Variants in GNAQ observed in about 807,000 individuals in gnomAD.
GNAQ encodes the protein guanine nucleotide-binding protein G(q) subunit alpha.
A neutral mutation model predicts 43.9 loss-of-function variants in GNAQ; 8 were observed. The observed-to-expected ratio is 0.18, with a 90% CI of 0.11 to 0.33. GNAQ has a LOEUF of 0.33. Among genes scored for constraint, GNAQ ranks in the 10% least tolerant of loss-of-function variants. The pLI is 1.00. For missense variants in GNAQ, 158 were observed against 450.8 expected (o/e 0.35, Z 5.88); for synonymous variants, 155 against 170.7 (o/e 0.91, Z 0.71).
At chr9:77,777,796 A>G (rs1413289995) in intron 5 of GNAQ, among the ~76,000 whole-genome samples, 1 of 152,038 alleles carries the variant, frequency 6.6e-6, no homozygotes, top group Middle Eastern at 3.2e-3. Context: ...GGATGGCTAA[A>G]ATAAAAAAGA....
intron 2 of GNAQ, among the ~76,000 whole-genome samples, chr9:77,819,776 C>T (rs1048056130): frequency 3.8e-5 from 4 of 106,566 alleles, no homozygotes; most frequent in Non-Finnish European, 6.6e-5. Context: ...CCTAAATGGA[C>T]TGTGGAAAAA....
At chr9:77,836,806 C>T (rs1271493053) in intron 2 of GNAQ, among the ~76,000 whole-genome samples, 1 of 152,060 alleles carries the variant, frequency 6.6e-6, no homozygotes, top group African/African-American at 2.4e-5. Flanking sequence ...AATCCTATAT[C>T]TATACATCTA....
rs73453731 is a variant in GNAQ at position 77,816,540 on chromosome 9, C to T, written c.322-770G>A. ...TTTTATGGTCAACCCTCAAATTAGC[C>T]GGAATACACGACTGCCTAACAATCC... On this transcript the variant is annotated intron_variant, in intron 2 of 6. Coordinates refer to ENST00000286548, the MANE Select transcript of GNAQ (RefSeq NM_002072.5). 3.1e-3 allele frequency among the ~76,000 whole-genome samples: 474 copies of T among 151,962 alleles called. 1 individual carries two copies. The highest frequency in any genetic ancestry group is 4.6e-3 in the African/African-American group (190 of 41,446).
intron 1 of GNAQ, among the ~76,000 whole-genome samples, chr9:77,947,288 A>G (rs1487140172): frequency 6.6e-6 from 1 of 152,240 alleles, no homozygotes; most frequent in Non-Finnish European, 1.5e-5. Flanking sequence ...CAAGGAGGCA[A>G]GCAGTGAGCC....
At chr9:77,780,560 CTGCAGTCAACATGGGGG>C (rs1484230475) in intron 5 of GNAQ, among the ~76,000 whole-genome samples, 4 of 151,718 alleles carry the variant, frequency 2.6e-5, no homozygotes, top group African/African-American at 9.7e-5. Flanking sequence ...GTGAACAGTG[CTGCAGTCAACATGGGGG>C]TGCAGATCTC....
At chr9:77,874,284 T>C (rs1396573454) in intron 2 of GNAQ, among the ~76,000 whole-genome samples, 1 of 151,720 alleles carries the variant, frequency 6.6e-6, no homozygotes, top group African/African-American at 2.4e-5. Context: ...GTAAAACGAG[T>C]CTTTCCTCCT....
intron 1 of GNAQ, among the ~76,000 whole-genome samples, chr9:77,942,093 T>C (rs1207909744): frequency 6.6e-6 from 1 of 152,174 alleles, no homozygotes; most frequent in Non-Finnish European, 1.5e-5. Context: ...ATGGTATATT[T>C]TGTAAAAATA....
intron 2 of GNAQ, among the ~76,000 whole-genome samples, chr9:77,842,319 C>T (rs771268384): frequency 3.0e-4 from 46 of 152,178 alleles, no homozygotes; most frequent in Non-Finnish European, 5.3e-4. Context: ...AAACCATCAA[C>T]CAGGCTCCCT....
intron 1 of GNAQ, among the ~76,000 whole-genome samples, chr9:77,950,085 T>A (rs566090719): frequency 6.6e-6 from 1 of 152,306 alleles, no homozygotes; most frequent in South Asian, 2.1e-4. Flanking sequence ...AAAAAACTTA[T>A]CATATCTGGG....
intron 1 of GNAQ, among the ~76,000 whole-genome samples, chr9:77,927,724 T>C (rs142943952): frequency 1.2e-4 from 18 of 152,214 alleles, no homozygotes; most frequent in East Asian, 9.6e-4. Flanking sequence ...AGTTACACAA[T>C]GAATATATTT....
At chr9:77,816,214 C>T (rs1042629825) in intron 2 of GNAQ, among the ~76,000 whole-genome samples, 1 of 152,118 alleles carries the variant, frequency 6.6e-6, no homozygotes, top group African/African-American at 2.4e-5. Flanking sequence ...AGCAGAAACT[C>T]AATCAGAATC....
intron 5 of GNAQ, among the ~76,000 whole-genome samples, chr9:77,758,064 T>G (rs1218483452): frequency 6.6e-6 from 1 of 152,240 alleles, no homozygotes; most frequent in Non-Finnish European, 1.5e-5. Flanking sequence ...TATATGAATT[T>G]AAGCTAAGTC....
intron 1 of GNAQ, 88 bp downstream of exon 1, chr9:78,031,005 CCGGGGGG>C (rs1824050542): frequency 7.3e-6 from 7 of 953,420 alleles, no homozygotes; most frequent in Non-Finnish European, 8.2e-6. Context: ...ACCGCGGGCG[CCGGGGGG>C]CGGGGGCGCC....
At chr9:77,807,168 A>C (rs1826842030) in intron 3 of GNAQ, among the ~76,000 whole-genome samples, 2 of 152,218 alleles carry the variant, frequency 1.3e-5, no homozygotes, top group Admixed American at 1.3e-4. Flanking sequence ...AATGAACTCA[A>C]GAATACCAGA....
At chr9:77,984,078 C>T (rs1182186276) in intron 1 of GNAQ, among the ~76,000 whole-genome samples, 1 of 92,954 alleles carries the variant, frequency 1.1e-5, no homozygotes, top group African/African-American at 4.4e-5. Flanking sequence ...AAAAAAAAAT[C>T]ACCTAGATGA....
intron 1 of GNAQ, among the ~76,000 whole-genome samples, chr9:77,960,257 A>T (rs1823090923): frequency 6.6e-6 from 1 of 152,164 alleles, no homozygotes; most frequent in Admixed American, 6.5e-5. Flanking sequence ...TAAGAAATTG[A>T]CAAAAGGACT....
chr9:77,939,204 A>G (rs531152006), intron 1 of GNAQ, among the ~76,000 whole-genome samples: 6 of 152,374 alleles, frequency 3.9e-5, no homozygotes, highest in African/African-American at 1.4e-4. Flanking sequence ...GAAATGTTGA[A>G]TAAATACACA....
In GNAQ at chr9:77,898,618, T is replaced by C. The variant is rs1277285440; in HGVS notation, c.321+23543A>G. On this transcript the variant is annotated intron_variant, in intron 2 of 6. Coordinates refer to ENST00000286548, the MANE Select transcript of GNAQ (RefSeq NM_002072.5). Reference sequence around the variant, plus strand: ...ATGGATGGATTGATGAATGAATGAATAAATGGATGGATGGATGGATGGATG... The same window carrying C: ...ATGGATGGATTGATGAATGAATGAACAAATGGATGGATGGATGGATGGATG... Among the ~76,000 whole-genome samples, 21 of 120,894 alleles carry C rather than the reference T, an allele frequency of 1.7e-4. No individual in the cohort carries two copies. The Admixed American group carries it at 2.0e-3, about 11-fold the overall frequency. The allele number at this position is 120,894 out of a possible 152,430, so 79.3% of individuals were successfully genotyped here. A position where few individuals can be genotyped will look rare whatever the true frequency, so the allele number is the denominator to read the frequency against.
chr9:77,806,892 G>C (rs1378405150), intron 3 of GNAQ, among the ~76,000 whole-genome samples: 1 of 152,166 alleles, frequency 6.6e-6, no homozygotes, highest in Non-Finnish European at 1.5e-5. Context: ...ATACAATGCA[G>C]ATGTAATATG....
Sources: gnomAD v4.1 joint callset for allele counts (sites outside exome capture counted in the v4.1 genomes callset) on GRCh38, gnomAD v4.1.1 for gene constraint, MANE v1.5 for transcripts, NCBI Gene and HGNC (gene_info 2026-07-23, HGNC 2026-07-21) for gene names.